TRPM3: variants seen among roughly 807,000 people sequenced by gnomAD.
The protein encoded by TRPM3 is transient receptor potential cation channel subfamily M member 3, also known as long transient receptor potential channel 3.
In TRPM3, 77 loss-of-function variants were observed where a neutral mutation model predicts 181.2. The observed-to-expected ratio is 0.42, with a 90% confidence interval of 0.35 to 0.51. The LOEUF is 0.51. Ranked by LOEUF, TRPM3 falls within the 20% of genes least tolerant of loss-of-function variation. The pLI, the probability that TRPM3 is intolerant of heterozygous loss-of-function variation, is 0.01. For missense variants in TRPM3, 1,759 were observed against 2,196.7 expected, an observed-to-expected ratio of 0.80 and a Z score of 3.98; for synonymous variants, 745 against 796.4, an observed-to-expected ratio of 0.94 and a Z score of 1.09.
chr9:71,293,653 A>G (rs1324652138), intron 1 of TRPM3, among the ~76,000 whole-genome samples: 1 of 151,934 alleles, frequency 6.6e-6, no homozygotes, highest in African/African-American at 2.4e-5. Flanking sequence ...TCTCCCCCAA[A>G]TTGATCTATA....
chr9:70,655,031 A>G (rs576578319), intron 9 of TRPM3, among the ~76,000 whole-genome samples: 36 of 149,392 alleles, frequency 2.4e-4, no homozygotes, highest in Non-Finnish European at 4.3e-4. Context: ...AGTGATGGCC[A>G]GTGTGGTGGC....
chr9:71,096,590 A>ACACACACACACACACACTCTCTCTCTCT (rs1452142664), intron 1 of TRPM3, among the ~76,000 whole-genome samples: 1 of 89,998 alleles, frequency 1.1e-5, no homozygotes, highest in African/African-American at 5.2e-5. Flanking sequence ...ACACACACAC[A>ACACACACACACACACACTCTCTCTCTCT]CTCTCTCTCT....
At chr9:71,010,440 T>C (rs2097724028) in intron 1 of TRPM3, among the ~76,000 whole-genome samples, 1 of 151,800 alleles carries the variant, frequency 6.6e-6, no homozygotes, top group Non-Finnish European at 1.5e-5. Context: ...AAATAATCCA[T>C]TTGAAAAATG....
chr9:71,348,894 T>G (rs1190999400), intron 1 of TRPM3, among the ~76,000 whole-genome samples: 5 of 152,042 alleles, frequency 3.3e-5, no homozygotes, highest in Non-Finnish European at 1.5e-5. Context: ...TATGACAGAA[T>G]GAGAATGTAA....
chr9:71,216,202 TCAAA>T (rs1356563969), intron 1 of TRPM3, among the ~76,000 whole-genome samples: 1 of 152,078 alleles, frequency 6.6e-6, no homozygotes, highest in Non-Finnish European at 1.5e-5. Flanking sequence ...GAGAATTGGT[TCAAA>T]CAATTACATT....
Position 70,537,347 on chromosome 9 carries a change from C to T in TRPM3, c.3766G>A (p.Ala1256Thr). Residue 1256 changes from alanine (A) to threonine (T), a missense_variant, in exon 26 of 26, where the codon GCT becomes ACT. By Grantham distance (58) the Ala-to-Thr change is moderately conservative. This residue lies in a region of TRPM3 where 96 missense variants were observed against 129.6 expected (regional missense o/e 0.74). Coordinates refer to ENST00000677713, the MANE Select transcript of TRPM3 (RefSeq NM_001366145.2). ...EVNEREHSMK[A>T]SLQTVDIRLA... The stretch of plus-strand genomic sequence containing the variant: ...CGGATGTCCACGGTCTGGAGTGAAG[C>T]CTTCATGGAGTGCTCTCTCTCGTTG... 1 of 1,512,272 alleles carries T rather than the reference C, an allele frequency of 6.6e-7. No individual in the cohort carries two copies. The allele number at this position is 1,512,272 out of a possible 1,614,324, so 93.7% of individuals were successfully genotyped here.
chr9:71,193,614 C>T (rs1000753776), intron 1 of TRPM3, among the ~76,000 whole-genome samples: 1 of 152,014 alleles, frequency 6.6e-6, no homozygotes, highest in Middle Eastern at 3.4e-3. Context: ...TCTATTAAAT[C>T]TGTCCACAAA....
chr9:71,210,821 C>CA (rs920407350), intron 1 of TRPM3, among the ~76,000 whole-genome samples: 72 of 152,318 alleles, frequency 4.7e-4, no homozygotes, highest in African/African-American at 1.7e-3. Context: ...AGGTGCCACC[C>CA]AATTCAGTTT....
At chr9:71,406,605 G>C (rs937859590) in intron 1 of TRPM3, among the ~76,000 whole-genome samples, 2 of 152,126 alleles carry the variant, frequency 1.3e-5, no homozygotes, top group African/African-American at 4.8e-5. Context: ...TACGGAAAAA[G>C]CAGTGTGACT....
chr9:71,416,635 C>T (rs536310162), intron 1 of TRPM3, among the ~76,000 whole-genome samples: 1 of 151,860 alleles, frequency 6.6e-6, no homozygotes, highest in African/African-American at 2.4e-5. Context: ...TAGGTACAAT[C>T]ACATTAACAT....
chr9:70,681,499 C>A lies in TRPM3; in HGVS notation c.1345+7G>T, dbSNP rs1172225549. On this transcript the variant is annotated splice_region_variant and intron_variant, in intron 9 of 25. Coordinates refer to ENST00000677713, the MANE Select transcript of TRPM3 (RefSeq NM_001366145.2). ...TTTTCACACTCTCTGGACACAGACT[C>A]TTTTACCTTTGAGTAAAGCTGTCAG... 17 of 1,612,962 alleles carry A rather than the reference C, an allele frequency of 1.1e-5. No homozygotes were observed. The highest frequency in any genetic ancestry group is 1.3e-5 in the African/African-American group (1 of 74,884).
At chr9:71,333,899 T>C (rs368778421) in intron 1 of TRPM3, among the ~76,000 whole-genome samples, 50 of 151,996 alleles carry the variant, frequency 3.3e-4, no homozygotes, top group African/African-American at 1.2e-3. Context: ...TGAAAACCAA[T>C]TCGTTTAATA....
chr9:70,827,732 G>T, intron 6 of TRPM3, 115 bp downstream of exon 6: 1 of 1,296,416 alleles, frequency 7.7e-7, no homozygotes. Context: ...AGAAATAATG[G>T]TTCATGTTTA....
At chr9:70,893,571 A>G (rs1215706691) in intron 1 of TRPM3, among the ~76,000 whole-genome samples, 1 of 152,190 alleles carries the variant, frequency 6.6e-6, no homozygotes, top group Non-Finnish European at 1.5e-5. Flanking sequence ...TTCTAGTAGT[A>G]ATTTTGATGA....
chr9:70,570,302 GTTTTTTTTTTTTTT>G (rs142779238), intron 22 of TRPM3, among the ~76,000 whole-genome samples: 1 of 68,376 alleles, frequency 1.5e-5, no homozygotes, highest in Non-Finnish European at 2.5e-5. Context: ...TATTACTAGA[GTTTTTTTTTTTTTT>G]TTTTTTTTTT....
At position 71,446,656 on chromosome 9, in the gene TRPM3, C is replaced by T. The variant is rs1277018660; in HGVS notation, c.180G>A (p.Thr60=). ...GGGCTCTCCCCCGGCCACTCACCGGCGTCTGCTGCGACGGGAGTCCCGAGC... is the reference window on the plus strand; with the variant it reads ...GGGCTCTCCCCCGGCCACTCACCGGTGTCTGCTGCGACGGGAGTCCCGAGC... The change falls in exon 1 of 25, where the codon ACG becomes ACA. Residue 60 remains threonine, a synonymous_variant. Transcript: ENST00000357533. 3 of 1,549,962 alleles carry T rather than the reference C, an allele frequency of 1.9e-6. No homozygotes were observed. The East Asian group carries it at 7.3e-5, about 38-fold the overall frequency.
intron 1 of TRPM3, among the ~76,000 whole-genome samples, chr9:71,416,094 T>C (rs909125525): frequency 6.6e-6 from 1 of 151,704 alleles, no homozygotes; most frequent in Non-Finnish European, 1.5e-5. Flanking sequence ...AATAGCATTG[T>C]ATTTCACAAA....
intron 1 of TRPM3, among the ~76,000 whole-genome samples, chr9:71,217,105 C>T (rs1009824040): frequency 6.6e-5 from 10 of 151,190 alleles, no homozygotes; most frequent in African/African-American, 2.4e-4. Flanking sequence ...CGCCCGCTAC[C>T]ACGCCCGGCT....
intron 1 of TRPM3, among the ~76,000 whole-genome samples, chr9:70,943,765 ATTTC>A (rs1223122635): frequency 2.6e-5 from 4 of 152,048 alleles, no homozygotes; most frequent in South Asian, 2.1e-4. Context: ...AGTCATTATG[ATTTC>A]TTTCTTTTTT....
Sources: allele counts gnomAD v4.1 joint callset (sites outside exome capture counted in the v4.1 genomes callset), GRCh38; gene constraint gnomAD v4.1.1; regional missense constraint gnomAD v4.1.1; transcripts MANE v1.5; gene names NCBI Gene and HGNC (gene_info 2026-07-23, HGNC 2026-07-21).